MIGA2: variants seen among roughly 807,000 people sequenced by gnomAD.
MIGA2 encodes the protein family with sequence similarity 73, member B.
Under a neutral mutation model 69.9 loss-of-function variants are expected in MIGA2, and 36 were observed. The ratio of observed to expected loss-of-function variants is 0.52; its 90% CI spans 0.39 to 0.68. The LOEUF (loss-of-function observed/expected upper bound fraction) is 0.68, where lower values mean the gene tolerates loss of function less well. MIGA2 is among the 30% of genes least tolerant of loss of function. The pLI is 0.00. For missense variants in MIGA2, 660 were observed against 787.7 expected, an observed-to-expected ratio of 0.84 and a Z score of 1.94; for synonymous variants, 333 against 349.2, an observed-to-expected ratio of 0.95 and a Z score of 0.52.
At chr9:129,063,053 C>A (rs1846149404) in intron 9 of MIGA2, 191 bp from the exon 10 acceptor site, 2 of 608,046 alleles carry the variant, frequency 3.3e-6, no homozygotes. Context: ...ATCCAGGCAG[C>A]CTCGTCCTTT....
chr9:129,045,967 C>G (rs947712461), intron 3 of MIGA2, among the ~76,000 whole-genome samples: 1 of 151,736 alleles, frequency 6.6e-6, no homozygotes, highest in African/African-American at 2.4e-5. Context: ...AATTCTCCTG[C>G]CTCAGCCTCC....
At position 129,069,786 on chromosome 9, in the gene MIGA2, T is replaced by C; in HGVS notation, c.1459-63T>C. On this transcript the variant is annotated intron_variant, in intron 14 of 15. Coordinates refer to ENST00000684074, the MANE Select transcript of MIGA2 (RefSeq NM_001329990.2). The surrounding 1 kb of genome is among the most constrained non-coding windows in gnomAD (Gnocchi z 4.9). ...AAAGCCCAGCCCTTTATGCGACACC[T>C]GGGCCTGGTGCCCTCATCCTACCTG... The C allele has an allele frequency of 8.9e-7, 1 of 1,126,950 alleles. No homozygotes were observed. The highest frequency in any genetic ancestry group is 1.4e-6 in the Non-Finnish European group (1 of 738,774). The allele number at this position is 1,126,950 out of a possible 1,614,324, so 69.8% of individuals were successfully genotyped here.
At position 129,049,891 on chromosome 9, in the gene MIGA2, G is replaced by A. The variant is rs574808064; in HGVS notation, c.603G>A (p.Gly201=). The A allele has an allele frequency of 4.0e-5, 65 of 1,613,842 alleles. No homozygotes were observed. Among genetic ancestry groups the A allele is most frequent in the Non-Finnish European group, 5.5e-5 (65 of 1,180,032 alleles). The change falls in exon 6 of 16, where the codon GGG becomes GGA. Residue 201 remains glycine, a synonymous_variant. Transcript: ENST00000684074. ...AGGCACTAAGCGTGGGCCAGCGGGG[G>A]GACAGCGGCAGCACCCCCATGCCCA... The part of the protein sequence containing the change: ...WEQALSVGQR[G]DSGSTPMPRD...
chr9:129,069,221 C>G lies in MIGA2; in HGVS notation c.1458+92C>G. 2 of 1,510,128 alleles carry G rather than the reference C, an allele frequency of 1.3e-6. No individual in the cohort carries two copies. Among genetic ancestry groups the G allele is most frequent in the Non-Finnish European group, 1.8e-6 (2 of 1,092,712 alleles). 93.5% of individuals were successfully genotyped at this position (1,510,128 alleles called of 1,614,324 possible). A position where few individuals can be genotyped will look rare whatever the true frequency, so the allele number is the denominator to read the frequency against. On this transcript the variant is annotated intron_variant, in intron 14 of 15. Transcript: ENST00000684074. This position sits in a 1 kb window ranked among gnomAD's most constrained non-coding sequence, Gnocchi z 4.9. Reference sequence around the variant, plus strand: ...GGGTGCAGGGTGGCTCGCTGGGCCACTTGGCCTTCACCGCTCACAGTCCTG... The same window carrying G: ...GGGTGCAGGGTGGCTCGCTGGGCCAGTTGGCCTTCACCGCTCACAGTCCTG...
intron 2 of MIGA2, among the ~76,000 whole-genome samples, chr9:129,041,599 T>A (rs888530929): frequency 6.6e-6 from 1 of 152,174 alleles, no homozygotes; most frequent in African/African-American, 2.4e-5. Context: ...CCTCCTAAAG[T>A]GCTGGGTTTA....
Position 129,063,639 on chromosome 9 carries a change from G to A in MIGA2, c.1170+8G>A. ...ATGACCAAGGCTGAGAAGGTAGCAG[G>A]GGGTGGGGTGGGGGGGCAAATTATA... is the stretch of plus-strand genomic sequence containing the variant. On this transcript the variant is annotated splice_region_variant and intron_variant, in intron 11 of 15. Transcript: ENST00000684074. The A allele has an allele frequency of 6.4e-7, 1 of 1,560,368 alleles. No individual in the cohort carries two copies. The highest frequency in any genetic ancestry group is 8.8e-7 in the Non-Finnish European group (1 of 1,132,268).
chr9:129,045,854 T>G (rs982962924), intron 3 of MIGA2, among the ~76,000 whole-genome samples: 12 of 151,414 alleles, frequency 7.9e-5, no homozygotes, highest in South Asian at 2.1e-4. Flanking sequence ...GTTTTGTTTT[T>G]TTTTTTTTGG....
intron 6 of MIGA2, among the ~76,000 whole-genome samples, chr9:129,055,080 C>CTTT (rs112156716): frequency 8.1e-6 from 1 of 122,870 alleles, no homozygotes; most frequent in Non-Finnish European, 1.7e-5. Context: ...TTTTTCTTTT[C>CTTT]TTTTTTTTTT....
rs1846462404 is a variant in MIGA2, at chr9:129,068,089, C to CA, written c.1270-108dup. The stretch of plus-strand genomic sequence containing the variant: ...CAGAGCGGGAAAGACGTGTCCCCCC[C>CA]ACGTGTGCTCATGCCCTGGACCCCA... On this transcript the variant is annotated intron_variant, in intron 12 of 15. Coordinates refer to ENST00000684074, the MANE Select transcript of MIGA2 (RefSeq NM_001329990.2). The surrounding 1 kb of genome is among the most constrained non-coding windows in gnomAD (Gnocchi z 4.1). 1 of 1,474,556 alleles carries CA rather than the reference C, an allele frequency of 6.8e-7. No homozygotes were observed. The highest frequency in any genetic ancestry group is 1.1e-5 in the South Asian group (1 of 87,292). 91.3% of individuals were successfully genotyped at this position (1,474,556 alleles called of 1,614,324 possible). A position where few individuals can be genotyped will look rare whatever the true frequency, so the allele number is the denominator to read the frequency against.
rs145951866 is a variant in MIGA2, at chr9:129,048,470, C to G, written c.351C>G (p.Asn117Lys). The G allele has an allele frequency of 1.2e-6, 2 of 1,614,062 alleles. No homozygotes were observed. The highest frequency in any genetic ancestry group is 2.2e-5 in the East Asian group (1 of 44,874). The change falls in exon 4 of 16, where the codon AAC (asparagine) becomes AAG (lysine). Residue 117 changes from asparagine to lysine, a missense_variant. Physicochemically the swap from Asn to Lys is moderately conservative, Grantham distance 94 (BLOSUM62 0). This residue lies in a region of MIGA2 where 386 missense variants were observed against 402.0 expected (regional missense o/e 0.96). Transcript: ENST00000684074. ...RRVQSPSSKS[N>K]DTLSGISSIE... The stretch of plus-strand genomic sequence containing the variant: ...TCCAGAGCCCCAGCAGCAAGAGCAA[C>G]GACACCCTGAGTGGCATCTCTTCCA...
rs1184935866 is a variant in MIGA2 at position 129,048,497 on chromosome 9, T to C, written c.378T>C (p.Ile126=). The change falls in exon 4 of 16, where the codon ATT becomes ATC. Residue 126 remains isoleucine, a synonymous_variant. Transcript: ENST00000684074. ...ACACCCTGAGTGGCATCTCTTCCATTGAGCCCAGCAAGCACTCGGGCTCCT... is the reference window on the plus strand; with the variant it reads ...ACACCCTGAGTGGCATCTCTTCCATCGAGCCCAGCAAGCACTCGGGCTCCT... The part of the protein sequence containing the change: ...SNDTLSGISS[I]EPSKHSGSSH... The C allele has an allele frequency of 2.5e-6, 4 of 1,613,882 alleles. No individual in the cohort carries two copies. The highest frequency in any genetic ancestry group is 3.4e-6 in the Non-Finnish European group (4 of 1,179,928).
intron 3 of MIGA2, among the ~76,000 whole-genome samples, chr9:129,042,923 G>A (rs930831880): frequency 2.6e-5 from 4 of 152,150 alleles, no homozygotes; most frequent in South Asian, 2.1e-4. Context: ...GGCCGGGCGC[G>A]GTGGCTCACG....
Position 129,059,106 on chromosome 9 carries a change from A to T in MIGA2, c.676-48A>T. 6.4e-7 allele frequency: 1 copy of T among 1,563,702 alleles called. No individual in the cohort carries two copies. ...GGGGGTGAGGGAAGGGGCCATTTTCATCGGGAGCTTTGAGGGTCTGGGTTG... is the reference window on the plus strand; with the variant it reads ...GGGGGTGAGGGAAGGGGCCATTTTCTTCGGGAGCTTTGAGGGTCTGGGTTG... On this transcript the variant is annotated intron_variant, in intron 6 of 15. Coordinates refer to ENST00000684074, the MANE Select transcript of MIGA2 (RefSeq NM_001329990.2). The surrounding 1 kb of genome is among the most constrained non-coding windows in gnomAD (Gnocchi z 5.6).
In MIGA2 at chr9:129,063,321, G is replaced by T. The variant is rs548341337; in HGVS notation, c.1083+5G>T. The T allele has an allele frequency of 6.2e-7, 1 of 1,614,044 alleles. No homozygotes were observed. Among genetic ancestry groups the T allele is most frequent in the Admixed American group, 1.7e-5 (1 of 60,036 alleles). On this transcript the variant is annotated splice_donor_5th_base_variant and intron_variant, in intron 10 of 15. Coordinates refer to ENST00000684074, the MANE Select transcript of MIGA2 (RefSeq NM_001329990.2). ...TGTGTGCGGCAGGCCTTCGAGGTGG[G>T]TGTGGCCTGGGGGTTCCTCGGGGGT...
intron 11 of MIGA2, among the ~76,000 whole-genome samples, chr9:129,067,229 C>T (rs1484612124): frequency 1.3e-5 from 2 of 152,094 alleles, no homozygotes; most frequent in African/African-American, 2.4e-5. Flanking sequence ...TGCAGACCCA[C>T]ATCTGAAAAG....
chr9:129,063,452 G>A, intron 10 of MIGA2, 93 bp from the exon 11 acceptor site: 2 of 1,560,722 alleles, frequency 1.3e-6, no homozygotes, highest in Non-Finnish European at 1.8e-6. Flanking sequence ...TGGCAGGTGG[G>A]CCACCTACCT....
chr9:129,054,863 G>A (rs1845714146), intron 6 of MIGA2, among the ~76,000 whole-genome samples: 1 of 152,136 alleles, frequency 6.6e-6, no homozygotes, highest in African/African-American at 2.4e-5. Flanking sequence ...ATACCTAGGA[G>A]TGAAATTGCG....
intron 2 of MIGA2, 111 bp downstream of exon 2, chr9:129,040,801 C>G (rs1844861444): frequency 1.1e-6 from 1 of 891,394 alleles, no homozygotes; most frequent in Non-Finnish European, 1.7e-6. Flanking sequence ...TGCCAAACCT[C>G]TGGTGTCTCC....
intron 6 of MIGA2, among the ~76,000 whole-genome samples, chr9:129,051,889 G>A (rs2131363065): frequency 6.6e-6 from 1 of 151,438 alleles, no homozygotes; most frequent in South Asian, 2.1e-4. Flanking sequence ...CCAGTGGTGC[G>A]ATCTCGACTC....
Sources: gnomAD v4.1 joint callset for allele counts (sites outside exome capture counted in the v4.1 genomes callset) on GRCh38, gnomAD v4.1.1 for gene constraint, gnomAD v4.1.1 regional missense constraint, Gnocchi (gnomAD v3.1) non-coding constraint, MANE v1.5 for transcripts, NCBI Gene and HGNC (gene_info 2026-07-23, HGNC 2026-07-21) for gene names.